The following PPP2R5C variants were observed in gnomAD, a reference collection of about 807,000 sequenced individuals.
PPP2R5C encodes the protein serine/threonine-protein phosphatase 2A 56 kDa regulatory subunit gamma isoform.
A neutral mutation model predicts 68.9 loss-of-function variants in PPP2R5C; 7 were observed. That is an observed-to-expected ratio of 0.10 (90% CI 0.06 to 0.19). PPP2R5C has a LOEUF of 0.19. PPP2R5C is among the 10% of genes least tolerant of loss of function. PPP2R5C has a pLI of 1.00. For missense variants in PPP2R5C, 348 were observed against 641.3 expected (o/e 0.54, Z 4.94); for synonymous variants, 210 against 222.2 (o/e 0.95, Z 0.49).
chr14:101,777,106 C>T (rs1340230378), intron 2 of PPP2R5C, among the ~76,000 whole-genome samples: 1 of 151,344 alleles, frequency 6.6e-6, no homozygotes, highest in Non-Finnish European at 1.5e-5. Flanking sequence ...GTCTCGAGCT[C>T]CTGACCTCGT....
chr14:101,782,053 T>TCCC (rs2140032957), intron 2 of PPP2R5C, among the ~76,000 whole-genome samples: 1 of 106,342 alleles, frequency 9.4e-6, no homozygotes, highest in Admixed American at 9.1e-5. Context: ...CTCTCCCCCT[T>TCCC]CTCTCTTTCT....
chr14:101,844,879 T>A (rs972492402), intron 1 of PPP2R5C, among the ~76,000 whole-genome samples: 1 of 152,214 alleles, frequency 6.6e-6, no homozygotes, highest in Non-Finnish European at 1.5e-5. Context: ...TGGAGCTTCT[T>A]GTCACCAGGT....
chr14:101,874,929 AG>A (rs1281955144), intron 2 of PPP2R5C, among the ~76,000 whole-genome samples: 3 of 152,128 alleles, frequency 2.0e-5, no homozygotes, highest in African/African-American at 7.2e-5. Context: ...TAGTAGAGAC[AG>A]GGTTTTGCCA....
intron 1 of PPP2R5C, chr14:101,823,685 C>T (rs1224195344): frequency 1.1e-6 from 1 of 899,540 alleles, no homozygotes; most frequent in African/African-American, 1.8e-5. Flanking sequence ...TGTCTGAGGT[C>T]CAAGAAGGAG....
intron 3 of PPP2R5C, among the ~76,000 whole-genome samples, chr14:101,800,244 C>CA (rs1290532487): frequency 2.0e-5 from 3 of 152,070 alleles, no homozygotes; most frequent in Admixed American, 6.5e-5. Context: ...GACCCTGTCT[C>CA]AAAAAATGTA....
intron 10 of PPP2R5C, among the ~76,000 whole-genome samples, chr14:101,907,236 T>C (rs946888655): frequency 1.3e-5 from 2 of 152,148 alleles, no homozygotes; most frequent in Non-Finnish European, 2.9e-5. Flanking sequence ...AGTGTCACGA[T>C]CATGGCTCAC....
chr14:101,760,598 C>G, upstream of PPP2R5C: 1 of 713,416 alleles, frequency 1.4e-6, no homozygotes, highest in Non-Finnish European at 1.7e-6. Context: ...CGGGACCAAC[C>G]AGGAAAGGAC....
intron 5 of PPP2R5C, 169 bp from the exon 8 acceptor site, chr14:101,890,068 G>C: frequency 1.4e-6 from 1 of 701,486 alleles, no homozygotes; most frequent in Non-Finnish European, 2.6e-6. Context: ...ACAGCTGCAG[G>C]CCTTGAGGAG....
At position 101,915,611 on chromosome 14, in the gene PPP2R5C, G is replaced by A. The variant is rs542806480; in HGVS notation, c.1327-2220G>A. On this transcript the variant is annotated intron_variant, in intron 12 of 13. Transcript: ENST00000334743. This position sits in a 1 kb window ranked among gnomAD's most constrained non-coding sequence, Gnocchi z 4.2. ...GAAGCGTTGGTGTGAAACAGTCCCC[G>A]CAAGTCTCAGGAGTCTTGCAGCCAC... Among the ~76,000 whole-genome samples, 1 of 152,170 alleles carries A rather than the reference G, an allele frequency of 6.6e-6. No individual in the cohort carries two copies. Among genetic ancestry groups the A allele is most frequent in the African/African-American group, 2.4e-5 (1 of 41,440 alleles).
rs550341195 is a variant in PPP2R5C at position 101,892,872 on chromosome 14, C to G, written c.690-128C>G. 67 of 665,636 alleles carry G rather than the reference C, an allele frequency of 1.0e-4. No homozygotes were observed. The African/African-American group carries it at 1.1e-3, about 11-fold the overall frequency. 41.2% of individuals were successfully genotyped at this position (665,636 alleles called of 1,614,324 possible). A position where few individuals can be genotyped will look rare whatever the true frequency, so the allele number is the denominator to read the frequency against. ...TAGCTGGGGCACAGGTGCATGGCAA[C>G]ATGCTTGGCTACGTATATTTTGCCT... On this transcript the variant is annotated intron_variant, in intron 6 of 13. Transcript: ENST00000334743.
rs1350249531 is a variant in PPP2R5C at position 101,797,475 on chromosome 14, CT to C, written c.259+11293del. ...AAGGAATGAAAAGCCCTCCTGGCCC[CT>C]CTGCCCTCTTTCTCCACCCTCTCCA... On this transcript the variant is annotated intron_variant, in intron 3 of 14. Transcript: ENST00000328724. This position sits in a 1 kb window ranked among gnomAD's most constrained non-coding sequence, Gnocchi z 4.2. 2 of 344,508 alleles carry C rather than the reference CT, an allele frequency of 5.8e-6. No homozygotes were observed. The highest frequency in any genetic ancestry group is 1.2e-5 in the Non-Finnish European group (2 of 171,742). 21.3% of individuals were successfully genotyped at this position (344,508 alleles called of 1,614,324 possible).
At chr14:101,770,361 C>T (rs1266058692) in intron 2 of PPP2R5C, among the ~76,000 whole-genome samples, 2 of 152,154 alleles carry the variant, frequency 1.3e-5, no homozygotes, top group East Asian at 3.8e-4. Flanking sequence ...GTGGCTGTTT[C>T]CATCATTTTT....
At chr14:101,871,690 T>TTTCC (rs1224434186) in intron 2 of PPP2R5C, among the ~76,000 whole-genome samples, 2 of 151,666 alleles carry the variant, frequency 1.3e-5, no homozygotes, top group Admixed American at 6.6e-5. Flanking sequence ...ATCGTTTCTC[T>TTTCC]TCTTTGTCTG....
chr14:101,847,607 G>A (rs781670956), intron 1 of PPP2R5C, among the ~76,000 whole-genome samples: 14 of 151,634 alleles, frequency 9.2e-5, no homozygotes, highest in Non-Finnish European at 1.3e-4. Flanking sequence ...TGTATGGGAT[G>A]CGTTTGCGAA....
At chr14:101,780,959 C>T (rs1049870177) in intron 2 of PPP2R5C, among the ~76,000 whole-genome samples, 1 of 152,152 alleles carries the variant, frequency 6.6e-6, no homozygotes, top group African/African-American at 2.4e-5. Context: ...ATTTCAGGCG[C>T]TCACCCCACA....
chr14:101,840,540 C>T (rs2041404428), intron 1 of PPP2R5C, among the ~76,000 whole-genome samples: 1 of 137,978 alleles, frequency 7.2e-6, no homozygotes, highest in Non-Finnish European at 1.5e-5. Context: ...TATAACCTAT[C>T]AAACTTTAAG....
chr14:101,892,709 A>G (rs1363720914), intron 6 of PPP2R5C, among the ~76,000 whole-genome samples: 1 of 152,058 alleles, frequency 6.6e-6, no homozygotes, highest in Non-Finnish European at 1.5e-5. Flanking sequence ...CACTATATGA[A>G]GTGTTCCACA....
chr14:101,892,386 GT>G (rs2044993998), intron 6 of PPP2R5C, among the ~76,000 whole-genome samples: 2 of 118,088 alleles, frequency 1.7e-5, no homozygotes, highest in Admixed American at 8.2e-5. Flanking sequence ...AAGGTGTTGG[GT>G]GGGGGGTGGG....
intron 8 of PPP2R5C, 78 bp downstream of exon 10, chr14:101,894,638 A>G (rs1350827579): frequency 5.1e-6 from 7 of 1,380,542 alleles, no homozygotes; most frequent in Non-Finnish European, 7.2e-6. Flanking sequence ...TGCTTCACCA[A>G]ATTGCCATTC....
Sources: allele counts gnomAD v4.1 joint callset (sites outside exome capture counted in the v4.1 genomes callset), GRCh38; gene constraint gnomAD v4.1.1; non-coding constraint Gnocchi (gnomAD v3.1); transcripts MANE v1.5; gene names NCBI Gene and HGNC (gene_info 2026-07-23, HGNC 2026-07-21).